The following GRK4 variants were observed in gnomAD, a reference collection of about 807,000 sequenced individuals.
GRK4 encodes the protein G protein-coupled receptor kinase 4.
In GRK4, 73 loss-of-function variants were observed where a neutral mutation model predicts 77.9. The ratio of observed to expected loss-of-function variants is 0.94; its 90% CI spans 0.78 to 1.14. The LOEUF is 1.14. Ranked by LOEUF, GRK4 falls within the 50% of genes most tolerant of loss-of-function variation. GRK4 has a pLI of 0.00. For synonymous variants in GRK4, 257 were observed against 254.4 expected (o/e 1.01, Z -0.10); for missense variants, 729 against 700.2 (o/e 1.04, Z -0.46).
intron 8 of GRK4, among the ~76,000 whole-genome samples, chr4:3,014,515 C>G (rs1016625222): frequency 6.6e-6 from 1 of 151,660 alleles, no homozygotes; most frequent in African/African-American, 2.4e-5. Context: ...GATCTCTGGC[C>G]AGGCGCGGTG....
intron 10 of GRK4, among the ~76,000 whole-genome samples, chr4:3,027,546 GTATT>G (rs951439239): frequency 6.6e-6 from 1 of 152,090 alleles, no homozygotes; most frequent in African/African-American, 2.4e-5. Context: ...CTGACAGAAA[GTATT>G]TATTTACTGT....
intron 2 of GRK4, among the ~76,000 whole-genome samples, chr4:2,987,494 C>T (rs998092494): frequency 3.9e-5 from 6 of 152,112 alleles, no homozygotes; most frequent in African/African-American, 7.2e-5. Flanking sequence ...TTGGATATTG[C>T]GTGGACATAC....
chr4:3,040,550 A>G, intron 15 of GRK4, 22 bp from the exon 16 acceptor site: 1 of 1,601,374 alleles, frequency 6.2e-7, no homozygotes, highest in South Asian at 1.1e-5. Flanking sequence ...CGTGTGCCTG[A>G]GGCCGCCGCT....
chr4:2,984,742 C>G, intron 2 of GRK4, 134 bp downstream of exon 2: 1 of 423,492 alleles, frequency 2.4e-6, no homozygotes, highest in Non-Finnish European at 4.2e-6. Context: ...TTCATGATTC[C>G]TCTCAGGAAA....
At chr4:2,988,878 T>G in intron 3 of GRK4, 39 bp downstream of exon 3, 1 of 1,283,398 alleles carries the variant, frequency 7.8e-7, no homozygotes, top group Non-Finnish European at 1.1e-6. Context: ...CCACCCAATC[T>G]TATGCTTTTG....
At chr4:2,991,426 A>G (rs759191758) in intron 3 of GRK4, among the ~76,000 whole-genome samples, 2 of 152,222 alleles carry the variant, frequency 1.3e-5, no homozygotes, top group Non-Finnish European at 1.5e-5. Context: ...CCCAGTTGGC[A>G]TATCGAAGGA....
intron 5 of GRK4, among the ~76,000 whole-genome samples, chr4:3,005,691 C>A (rs1020794528): frequency 1.2e-4 from 18 of 152,100 alleles, no homozygotes; most frequent in African/African-American, 4.1e-4. Flanking sequence ...GTAATCCCAG[C>A]TACTCAGGAG....
At chr4:2,972,292 T>C (rs561891864) in intron 1 of GRK4, among the ~76,000 whole-genome samples, 2 of 152,302 alleles carry the variant, frequency 1.3e-5, no homozygotes, top group African/African-American at 4.8e-5. Context: ...GACCTCGCCA[T>C]GGCCCCACGA....
At chr4:3,013,086 C>G (rs1733370815) in intron 7 of GRK4, among the ~76,000 whole-genome samples, 2 of 151,790 alleles carry the variant, frequency 1.3e-5, no homozygotes, top group South Asian at 2.1e-4. Context: ...CTCTGTCGCC[C>G]AGGCTGGAGT....
chr4:2,972,855 G>A (rs1036113654), intron 1 of GRK4, among the ~76,000 whole-genome samples: 2 of 152,060 alleles, frequency 1.3e-5, no homozygotes, highest in African/African-American at 2.4e-5. Flanking sequence ...CTGCCTCAGC[G>A]TCCCGAGTAG....
chr4:2,985,741 G>C, intron 2 of GRK4: 1 of 326,440 alleles, frequency 3.1e-6, no homozygotes, highest in South Asian at 2.3e-5. Flanking sequence ...GCTCACGCCC[G>C]TAATCCCAGC....
At position 3,007,867 on chromosome 4, in the gene GRK4, G is replaced by T. The variant is rs1316841922; in HGVS notation, c.536+39G>T. ...TTAAACTTGATAAAAGCCAATTGAG[G>T]TGGCACATGCCTGTAGTCCCAGCTA... On this transcript the variant is annotated intron_variant, in intron 6 of 15. Transcript: ENST00000398052. 6 of 1,386,722 alleles carry T rather than the reference G, an allele frequency of 4.3e-6. No homozygotes were observed. The South Asian group carries it at 4.8e-5, about 11-fold the overall frequency. The allele number at this position is 1,386,722 out of a possible 1,614,324, so 85.9% of individuals were successfully genotyped here.
intron 1 of GRK4, among the ~76,000 whole-genome samples, chr4:2,975,648 C>G (rs1419866002): frequency 6.6e-6 from 1 of 152,148 alleles, no homozygotes; most frequent in Non-Finnish European, 1.5e-5. Flanking sequence ...ACAGATGAAA[C>G]CTCCACAGGT....
chr4:3,040,724 A>G lies in GRK4; in HGVS notation c.*99A>G. 1.0e-6 allele frequency: 1 copy of G among 978,566 alleles called. No individual in the cohort carries two copies. Among genetic ancestry groups the G allele is most frequent in the Non-Finnish European group, 1.6e-6 (1 of 637,854 alleles). The allele number at this position is 978,566 out of a possible 1,614,324, so 60.6% of individuals were successfully genotyped here. The stretch of plus-strand genomic sequence containing the variant: ...AATTGTAATAAATACATCTAAATAA[A>G]ACATGCCTTGGGAGTGTACAGACCT... On this transcript the variant is annotated 3_prime_UTR_variant, in exon 16 of 16. Coordinates refer to ENST00000398052, the MANE Select transcript of GRK4 (RefSeq NM_182982.3).
At chr4:3,015,214 C>T (rs1481140479) in intron 8 of GRK4, among the ~76,000 whole-genome samples, 2 of 152,194 alleles carry the variant, frequency 1.3e-5, no homozygotes, top group East Asian at 3.9e-4. Context: ...TGTCCTGTAG[C>T]AGCTACTGAA....
intron 4 of GRK4, among the ~76,000 whole-genome samples, chr4:3,003,925 T>C (rs113395951): frequency 6.6e-6 from 1 of 152,144 alleles, no homozygotes; most frequent in African/African-American, 2.4e-5. Flanking sequence ...AGTTTCACCA[T>C]GTTGGCTGGT....
intron 1 of GRK4, among the ~76,000 whole-genome samples, chr4:2,969,825 G>A (rs946725542): frequency 2.6e-5 from 4 of 152,148 alleles, no homozygotes; most frequent in African/African-American, 9.6e-5. Flanking sequence ...CCACAGGCAT[G>A]CGCTGCCATG....
At chr4:2,980,102 TG>T (rs1722441445) in intron 1 of GRK4, among the ~76,000 whole-genome samples, 1 of 152,240 alleles carries the variant, frequency 6.6e-6, no homozygotes, top group African/African-American at 2.4e-5. Flanking sequence ...GCTTTCATCC[TG>T]TTAGGACCAG....
At chr4:3,030,391 C>G (rs757266040) in intron 12 of GRK4, among the ~76,000 whole-genome samples, 4 of 152,198 alleles carry the variant, frequency 2.6e-5, no homozygotes, top group Non-Finnish European at 5.9e-5. Flanking sequence ...CTCTTTGTTA[C>G]TTACTTTAAA....
Sources: gnomAD v4.1 joint callset for allele counts (sites outside exome capture counted in the v4.1 genomes callset) on GRCh38, gnomAD v4.1.1 for gene constraint, MANE v1.5 for transcripts, NCBI Gene and HGNC (gene_info 2026-07-23, HGNC 2026-07-21) for gene names.